SMIM36: variants seen among roughly 807,000 people sequenced by gnomAD.
The protein encoded by SMIM36 is small integral membrane protein 36.
chr17:55,531,433 T>C, the SMIM36 span, among the ~76,000 whole-genome samples: 7 of 152,324 alleles, frequency 4.6e-5, no homozygotes, highest in East Asian at 1.3e-3. Flanking sequence ...CTTCCAGTTT[T>C]GTTTTCATTT....
At chr17:55,519,007 T>TC in the SMIM36 span, among the ~76,000 whole-genome samples, 1 of 151,126 alleles carries the variant, frequency 6.6e-6, no homozygotes, top group Admixed American at 6.6e-5. Context: ...TTTTTTTTTT[T>TC]CTCTCACCGA....
intron 3 of SMIM36, among the ~76,000 whole-genome samples, chr17:55,471,556 T>C (rs1003149346): frequency 6.6e-6 from 1 of 152,196 alleles, no homozygotes; most frequent in Non-Finnish European, 1.5e-5. Flanking sequence ...TTGTTGGATA[T>C]TTCCTAGTCT....
At chr17:55,457,283 A>T (rs1487883473) in intron 4 of SMIM36, among the ~76,000 whole-genome samples, 1 of 151,672 alleles carries the variant, frequency 6.6e-6, no homozygotes, top group Non-Finnish European at 1.5e-5. Context: ...CCCCATCCCT[A>T]CTAAAAATAC....
chr17:55,501,455 T>TTATTATA (rs1909974423), intron 1 of SMIM36, among the ~76,000 whole-genome samples: 1 of 79,096 alleles, frequency 1.3e-5, no homozygotes, highest in African/African-American at 6.5e-5. Flanking sequence ...ATATAATATA[T>TTATTATA]TATTATATAT....
At chr17:55,500,367 C>T (rs1220845620) in intron 1 of SMIM36, among the ~76,000 whole-genome samples, 6 of 152,092 alleles carry the variant, frequency 3.9e-5, no homozygotes, top group Non-Finnish European at 7.4e-5. Flanking sequence ...TCAAGTGATC[C>T]TCTTGCCTCA....
the SMIM36 span, among the ~76,000 whole-genome samples, chr17:55,529,793 A>C: frequency 7.9e-5 from 12 of 151,356 alleles, no homozygotes; most frequent in African/African-American, 3.0e-4. Context: ...CCTGTCCGAA[A>C]AACAAACAAA....
intron 1 of SMIM36, among the ~76,000 whole-genome samples, chr17:55,486,441 C>CATGCAGATGGAGAGA (rs1453973539): frequency 6.6e-6 from 1 of 152,222 alleles, no homozygotes; most frequent in African/African-American, 2.4e-5. Context: ...CTACCTCCAT[C>CATGCAGATGGAGAGA]TGCATCTCTC....
the SMIM36 span, among the ~76,000 whole-genome samples, chr17:55,519,871 C>CAA: frequency 2.0e-5 from 3 of 152,200 alleles, no homozygotes; most frequent in Non-Finnish European, 4.4e-5. Flanking sequence ...AAATCACCTA[C>CAA]TTAAATTGTA....
At chr17:55,451,649 G>T (rs1219297453) in intron 4 of SMIM36, among the ~76,000 whole-genome samples, 1 of 152,126 alleles carries the variant, frequency 6.6e-6, no homozygotes, top group South Asian at 2.1e-4. Context: ...GACAGTGTAG[G>T]TACTTAATAA....
intron 4 of SMIM36, chr17:55,458,351 T>A (rs930089504): frequency 6.6e-6 from 1 of 152,138 alleles, no homozygotes; most frequent in Non-Finnish European, 1.5e-5. Flanking sequence ...TGCGTGGAAT[T>A]AATATGGGAG....
At chr17:55,473,496 C>T (rs117240353) in intron 3 of SMIM36, among the ~76,000 whole-genome samples, 2 of 152,296 alleles carry the variant, frequency 1.3e-5, no homozygotes, top group East Asian at 1.9e-4. Context: ...TTCAATCTGA[C>T]AGTGGTCCGG....
chr17:55,488,423 A>G (rs555215062), intron 1 of SMIM36, among the ~76,000 whole-genome samples: 1 of 152,350 alleles, frequency 6.6e-6, no homozygotes, highest in African/African-American at 2.4e-5. Context: ...AGCATAAAGA[A>G]GAACATTTTT....
At chr17:55,477,472 T>A (rs929677222) in intron 3 of SMIM36, among the ~76,000 whole-genome samples, 1 of 152,164 alleles carries the variant, frequency 6.6e-6, no homozygotes, top group Non-Finnish European at 1.5e-5. Flanking sequence ...ATTTCCCCCT[T>A]TTTATAATTA....
At chr17:55,453,567 A>G (rs1908963578) in intron 4 of SMIM36, among the ~76,000 whole-genome samples, 1 of 152,212 alleles carries the variant, frequency 6.6e-6, no homozygotes, top group African/African-American at 2.4e-5. Flanking sequence ...TTATTCAAGT[A>G]TAACATATAT....
At chr17:55,501,340 T>TATATTTTATAATATATAATATATG (rs1567871097) in intron 1 of SMIM36, among the ~76,000 whole-genome samples, 1 of 50,330 alleles carries the variant, frequency 2.0e-5, no homozygotes, top group Non-Finnish European at 4.0e-5. Context: ...TATAATATAT[T>TATATTTTATAATATATAATATATG]ATATATTATA....
chr17:55,474,619 A>G (rs1342161520), intron 3 of SMIM36, among the ~76,000 whole-genome samples: 1 of 152,118 alleles, frequency 6.6e-6, no homozygotes, highest in African/African-American at 2.4e-5. Flanking sequence ...ATTGCTTGAT[A>G]CTTTGGTTTT....
At chr17:55,474,323 C>T (rs374217209) in intron 3 of SMIM36, among the ~76,000 whole-genome samples, 3 of 152,276 alleles carry the variant, frequency 2.0e-5, no homozygotes, top group South Asian at 4.1e-4. Flanking sequence ...TGGAGCATCC[C>T]TGCAGGGGAC....
chr17:55,526,939 T>A, the SMIM36 span: 1 of 152,178 alleles, frequency 6.6e-6, no homozygotes, highest in African/African-American at 2.4e-5. Flanking sequence ...GTGGCTCTAC[T>A]CCCCTCAGCT....
intron 3 of SMIM36, among the ~76,000 whole-genome samples, chr17:55,476,434 T>A (rs1007460451): frequency 2.6e-5 from 4 of 152,190 alleles, no homozygotes; most frequent in Admixed American, 6.5e-5. Context: ...TTTTTTGGAC[T>A]CAGCACCCAG....
Sources: allele counts gnomAD v4.1 joint callset (sites outside exome capture counted in the v4.1 genomes callset), GRCh38; gene constraint gnomAD v4.1.1; transcripts MANE v1.5; gene names NCBI Gene and HGNC (gene_info 2026-07-23, HGNC 2026-07-21).